FBXO3: variants seen among roughly 807,000 people sequenced by gnomAD.
FBXO3 encodes the protein F-box protein 3, also known as F-box only protein 3.
Under a neutral mutation model 64.8 loss-of-function variants are expected in FBXO3, and 17 were observed. The ratio of observed to expected loss-of-function variants is 0.26; its 90% CI spans 0.18 to 0.39. FBXO3 has a LOEUF of 0.39. Ranked by LOEUF, FBXO3 falls within the 10% of genes least tolerant of loss-of-function variation. The pLI, the probability that FBXO3 is intolerant of heterozygous loss-of-function variation, is 1.00. For missense variants in FBXO3, 420 were observed against 589.9 expected (o/e 0.71, Z 2.98); for synonymous variants, 182 against 201.6 (o/e 0.90, Z 0.82).
intron 3 of FBXO3, among the ~76,000 whole-genome samples, chr11:33,762,392 G>T (rs545332148): frequency 1.3e-5 from 2 of 152,166 alleles, no homozygotes; most frequent in African/African-American, 2.4e-5. Flanking sequence ...TCACATACCG[G>T]ACCACAGAAT....
At chr11:33,747,109 C>T (rs183490547) in intron 10 of FBXO3, 21 bp downstream of exon 10, 2 of 1,607,958 alleles carry the variant, frequency 1.2e-6, no homozygotes, top group East Asian at 4.5e-5. Flanking sequence ...TAAATCAGCA[C>T]TAGAGGAAAA....
At chr11:33,757,802 C>T (rs906382433) in intron 4 of FBXO3, among the ~76,000 whole-genome samples, 1 of 149,982 alleles carries the variant, frequency 6.7e-6, no homozygotes, top group African/African-American at 2.5e-5. Flanking sequence ...ACAAAAAATA[C>T]AAAAAAGTAG....
chr11:33,744,107 T>C (rs1854753761), intron 10 of FBXO3: 1 of 152,210 alleles, frequency 6.6e-6, no homozygotes, highest in African/African-American at 2.4e-5. Flanking sequence ...CATTCTTTTA[T>C]CTTTGGATTT....
At chr11:33,750,260 G>A (rs1232159870) in intron 8 of FBXO3, among the ~76,000 whole-genome samples, 1 of 152,104 alleles carries the variant, frequency 6.6e-6, no homozygotes, top group Non-Finnish European at 1.5e-5. Context: ...ACAACTTGAA[G>A]CTTTAATGAC....
chr11:33,768,057 G>A (rs375508006), intron 3 of FBXO3, among the ~76,000 whole-genome samples: 23 of 152,300 alleles, frequency 1.5e-4, no homozygotes, highest in Middle Eastern at 6.8e-3. Context: ...TTTCAAAAGA[G>A]TCTTTAGTTC....
In FBXO3 at chr11:33,741,801, T is replaced by C. The variant is rs1590557074; in HGVS notation, c.*107A>G. 1 of 1,094,008 alleles carries C rather than the reference T, an allele frequency of 9.1e-7. No homozygotes were observed. The highest frequency in any genetic ancestry group is 2.9e-5 in the East Asian group (1 of 34,424). 67.8% of individuals were successfully genotyped at this position (1,094,008 alleles called of 1,614,324 possible). On this transcript the variant is annotated 3_prime_UTR_variant, in exon 11 of 11. Coordinates refer to ENST00000265651, the MANE Select transcript of FBXO3 (RefSeq NM_012175.4). ...ACCCAGGGCCTGAAACAATATTTCA[T>C]GCTAGTTTTCCTGCTATATGCAGAG... is the stretch of plus-strand genomic sequence containing the variant.
At chr11:33,769,767 T>C (rs2133624765) in intron 2 of FBXO3, among the ~76,000 whole-genome samples, 1 of 150,716 alleles carries the variant, frequency 6.6e-6, no homozygotes, top group Non-Finnish European at 1.5e-5. Context: ...AATTCTGATC[T>C]GGATGCCTGA....
intron 5 of FBXO3, 144 bp from the exon 6 acceptor site, chr11:33,754,644 AGAAAGGG>A: frequency 3.2e-6 from 2 of 620,104 alleles, no homozygotes; most frequent in South Asian, 6.4e-5. Context: ...TTATCCTAGA[AGAAAGGG>A]TTCTGAATCA....
At chr11:33,755,120 C>T (rs920457977) in intron 5 of FBXO3, among the ~76,000 whole-genome samples, 1 of 152,120 alleles carries the variant, frequency 6.6e-6, no homozygotes, top group Non-Finnish European at 1.5e-5. Context: ...GATCCACCCG[C>T]CTCAGCCTCC....
intron 2 of FBXO3, among the ~76,000 whole-genome samples, chr11:33,770,392 A>G (rs1311568270): frequency 2.0e-5 from 3 of 152,236 alleles, no homozygotes; most frequent in Admixed American, 6.5e-5. Flanking sequence ...ACATTTACTG[A>G]ATCCAGTTAA....
intron 6 of FBXO3, chr11:33,753,769 C>T (rs1270554778): frequency 6.6e-6 from 1 of 152,178 alleles, no homozygotes; most frequent in Non-Finnish European, 1.5e-5. Context: ...GGACTCTTTA[C>T]TATTCATATA....
At position 33,748,090 on chromosome 11, in the gene FBXO3, C is replaced by T. The variant is rs192643833; in HGVS notation, c.1048+687G>A. Among the ~76,000 whole-genome samples the T allele has an allele frequency of 8.9e-4, 135 of 152,204 alleles. 3 individuals are homozygous for T. In the East Asian group the frequency reaches 0.019, roughly 22 times the overall value. Reference sequence around the variant, plus strand: ...CATTCAGACCAGACAAAATGGCACTCACAAGGGAGAGTCCTTATACCACTG... The same window carrying T: ...CATTCAGACCAGACAAAATGGCACTTACAAGGGAGAGTCCTTATACCACTG... On this transcript the variant is annotated intron_variant, in intron 9 of 10. Transcript: ENST00000265651.
chr11:33,766,227 A>T (rs774488722), intron 3 of FBXO3, among the ~76,000 whole-genome samples: 2 of 152,216 alleles, frequency 1.3e-5, no homozygotes, highest in Non-Finnish European at 2.9e-5. Flanking sequence ...AGGAGCCAAG[A>T]AGCCTAGATT....
intron 3 of FBXO3, among the ~76,000 whole-genome samples, chr11:33,766,393 T>A (rs923384733): frequency 6.6e-6 from 1 of 152,254 alleles, no homozygotes; most frequent in East Asian, 1.9e-4. Context: ...TAAAGTTTTA[T>A]TGGAATACAG....
At chr11:33,744,743 ATAGT>A (rs1376114605) in intron 10 of FBXO3, 1 of 152,260 alleles carries the variant, frequency 6.6e-6, no homozygotes, top group African/African-American at 2.4e-5. Flanking sequence ...AAGAAAGAAC[ATAGT>A]TAAGAGAGAG....
At chr11:33,762,445 ATCC>A (rs1855266199) in intron 3 of FBXO3, among the ~76,000 whole-genome samples, 1 of 152,222 alleles carries the variant, frequency 6.6e-6, no homozygotes. Flanking sequence ...CATAAAGTAT[ATCC>A]TGTGATCACA....
At chr11:33,756,024 G>A in intron 4 of FBXO3, 49 bp from the exon 5 acceptor site, 1 of 1,464,176 alleles carries the variant, frequency 6.8e-7, no homozygotes. Flanking sequence ...GTGCCAAAGA[G>A]CTGTGCTTCA....
At chr11:33,755,549 G>A (rs1240319760) in intron 5 of FBXO3, among the ~76,000 whole-genome samples, 2 of 152,154 alleles carry the variant, frequency 1.3e-5, no homozygotes, top group Admixed American at 1.3e-4. Flanking sequence ...ACAAATTGCA[G>A]CTTTTCCTCT....
intron 6 of FBXO3, chr11:33,754,132 G>A (rs1017322134): frequency 4.8e-6 from 1 of 208,088 alleles, no homozygotes; most frequent in African/African-American, 2.3e-5. Context: ...AATTATACAT[G>A]AATATAATGA....
Sources: allele counts gnomAD v4.1 joint callset (sites outside exome capture counted in the v4.1 genomes callset), GRCh38; gene constraint gnomAD v4.1.1; transcripts MANE v1.5; gene names NCBI Gene and HGNC (gene_info 2026-07-23, HGNC 2026-07-21).